TMEM131: variants seen among roughly 807,000 people sequenced by gnomAD.
TMEM131 encodes the protein transmembrane protein 131.
A neutral mutation model predicts 211.6 loss-of-function variants in TMEM131; 66 were observed. The observed-to-expected ratio is 0.31, with a 90% CI of 0.26 to 0.38. The LOEUF (loss-of-function observed/expected upper bound fraction) is 0.38. Among genes scored for constraint, TMEM131 ranks in the 10% least tolerant of loss-of-function variants. The pLI is 1.00. For missense variants in TMEM131, 2,036 were observed against 2,299.3 expected (o/e 0.89, Z 2.34); for synonymous variants, 844 against 841.3 (o/e 1.00, Z -0.06).
At chr2:97,899,918 T>C (rs1434775494) in intron 3 of TMEM131, among the ~76,000 whole-genome samples, 1 of 152,134 alleles carries the variant, frequency 6.6e-6, no homozygotes, top group Non-Finnish European at 1.5e-5. Flanking sequence ...CTCAGCAATT[T>C]TCAAGTACAC....
At chr2:97,906,197 C>G (rs1209282917) in intron 3 of TMEM131, among the ~76,000 whole-genome samples, 1 of 152,174 alleles carries the variant, frequency 6.6e-6, no homozygotes, top group Non-Finnish European at 1.5e-5. Flanking sequence ...TTCTGAGCCT[C>G]TAGAACTGTG....
chr2:97,867,416 A>T (rs1277844192), intron 4 of TMEM131, among the ~76,000 whole-genome samples: 1 of 151,982 alleles, frequency 6.6e-6, no homozygotes, highest in African/African-American at 2.4e-5. Flanking sequence ...CCCTGGATTG[A>T]CCCTTTTGTA....
chr2:97,957,503 G>A (rs1431372511), intron 1 of TMEM131, among the ~76,000 whole-genome samples: 1 of 151,922 alleles, frequency 6.6e-6, no homozygotes, highest in Non-Finnish European at 1.5e-5. Context: ...TACTATTTTG[G>A]TGCTGACCAC....
intron 1 of TMEM131, among the ~76,000 whole-genome samples, chr2:97,969,275 A>G (rs1407745258): frequency 6.6e-6 from 1 of 152,170 alleles, no homozygotes; most frequent in Non-Finnish European, 1.5e-5. Flanking sequence ...CCAGCCGCCT[A>G]ATGATAGGGG....
intron 1 of TMEM131, among the ~76,000 whole-genome samples, chr2:97,994,361 T>TA (rs1296802401): frequency 6.6e-6 from 1 of 152,228 alleles, no homozygotes; most frequent in Non-Finnish European, 1.5e-5. Flanking sequence ...TAAGGTTGCT[T>TA]AGAGAGTTAG....
intron 1 of TMEM131, among the ~76,000 whole-genome samples, chr2:97,954,461 G>C (rs1368396408): frequency 6.6e-6 from 1 of 152,152 alleles, no homozygotes; most frequent in South Asian, 2.1e-4. Context: ...CCAAGATGAA[G>C]GAAATGGCCT....
chr2:97,802,869 A>C (rs1681100625), intron 22 of TMEM131, 79 bp from the exon 23 acceptor site: 1 of 1,283,366 alleles, frequency 7.8e-7, no homozygotes, highest in African/African-American at 1.5e-5. Flanking sequence ...AATTAGGCTT[A>C]TGTACTTGAG....
chr2:97,901,717 G>C (rs953869554), intron 3 of TMEM131, among the ~76,000 whole-genome samples: 5 of 152,140 alleles, frequency 3.3e-5, no homozygotes, highest in Admixed American at 3.3e-4. Context: ...CTTATAGAAG[G>C]GAGCTAAAAA....
chr2:97,995,664 C>T lies in TMEM131; in HGVS notation c.-2G>A. 1 of 1,206,768 alleles carries T rather than the reference C, an allele frequency of 8.3e-7. No individual in the cohort carries two copies. 74.8% of individuals were successfully genotyped at this position (1,206,768 alleles called of 1,614,324 possible). On this transcript the variant is annotated 5_prime_UTR_variant, in exon 1 of 41. Coordinates refer to ENST00000186436, the MANE Select transcript of TMEM131 (RefSeq NM_015348.2). ...TCCTCCTCCCGCCCGCTTCCCCATC[C>T]CTGCCGGCCGGGGGCCGCCGCGCTC...
At chr2:97,893,734 GTTTT>G (rs534822274) in intron 3 of TMEM131, among the ~76,000 whole-genome samples, 2 of 150,992 alleles carry the variant, frequency 1.3e-5, no homozygotes, top group South Asian at 4.2e-4. Context: ...CTTTTTGATG[GTTTT>G]TTTTTCTTGT....
chr2:97,959,519 C>G (rs1238347801), intron 1 of TMEM131, among the ~76,000 whole-genome samples: 1 of 151,930 alleles, frequency 6.6e-6, no homozygotes, highest in Non-Finnish European at 1.5e-5. Flanking sequence ...CCCTTTCTCT[C>G]TCTCTCATAT....
intron 4 of TMEM131, among the ~76,000 whole-genome samples, chr2:97,880,954 A>G (rs932562170): frequency 7.9e-5 from 12 of 152,228 alleles, no homozygotes; most frequent in Admixed American, 2.0e-4. Flanking sequence ...GGGAGGAAGA[A>G]GTCAGTGGTG....
chr2:97,959,510 C>T (rs1469156264), intron 1 of TMEM131, among the ~76,000 whole-genome samples: 1 of 152,004 alleles, frequency 6.6e-6, no homozygotes, highest in African/African-American at 2.4e-5. Flanking sequence ...GCACATTCTC[C>T]CTTTCTCTCT....
chr2:97,982,085 G>A (rs915026010), intron 1 of TMEM131, among the ~76,000 whole-genome samples: 18 of 152,108 alleles, frequency 1.2e-4, no homozygotes, highest in South Asian at 4.1e-4. Flanking sequence ...CAGTAACTCC[G>A]TATTTTCAGG....
chr2:97,768,310 A>ACCCATCTTCTAAAAAAAC (rs1228419047), intron 33 of TMEM131, among the ~76,000 whole-genome samples: 1 of 152,034 alleles, frequency 6.6e-6, no homozygotes, highest in East Asian at 1.9e-4. Flanking sequence ...TATTTAAAAA[A>ACCCATCTTCTAAAAAAAC]CCCATCTTCT....
chr2:97,877,112 G>A lies in TMEM131; in HGVS notation c.359+10940C>T, dbSNP rs367946358. On this transcript the variant is annotated intron_variant, in intron 4 of 40. Coordinates refer to ENST00000186436, the MANE Select transcript of TMEM131 (RefSeq NM_015348.2). ...AGTAACTCCCATTCACAATTGCTACGAAGAGAACAAAATACCTAGGAATCC... is the reference window on the plus strand; with the variant it reads ...AGTAACTCCCATTCACAATTGCTACAAAGAGAACAAAATACCTAGGAATCC... 1.5e-3 allele frequency among the ~76,000 whole-genome samples: 221 copies of A among 152,092 alleles called. 1 individual carries two copies. The highest frequency in any genetic ancestry group is 3.1e-3 in the African/African-American group (129 of 41,482).
chr2:97,826,700 G>T (rs1360719746), intron 11 of TMEM131, among the ~76,000 whole-genome samples: 1 of 152,044 alleles, frequency 6.6e-6, no homozygotes, highest in East Asian at 1.9e-4. Flanking sequence ...AAGTCAAAGA[G>T]AAAGAAAAAG....
At chr2:97,804,822 A>G (rs955961935) in intron 22 of TMEM131, among the ~76,000 whole-genome samples, 2 of 152,158 alleles carry the variant, frequency 1.3e-5, no homozygotes, top group African/African-American at 4.8e-5. Flanking sequence ...GTCATCCTAC[A>G]TAAGAACAAC....
chr2:97,954,838 GAGAA>G (rs1459235786), intron 1 of TMEM131, among the ~76,000 whole-genome samples: 3 of 102,176 alleles, frequency 2.9e-5, no homozygotes, highest in Non-Finnish European at 4.3e-5. Flanking sequence ...AACTAAAAAA[GAGAA>G]AGATCTCCAA....
Sources: allele counts gnomAD v4.1 joint callset (sites outside exome capture counted in the v4.1 genomes callset), GRCh38; gene constraint gnomAD v4.1.1; transcripts MANE v1.5; gene names NCBI Gene and HGNC (gene_info 2026-07-23, HGNC 2026-07-21).